The following FGF13 variants were observed in gnomAD, a reference collection of about 807,000 sequenced individuals.
The protein encoded by FGF13 is fibroblast growth factor homologous factor 2.
FGF13 carries 2 observed loss-of-function variants against 19.5 expected under a neutral mutation model. That is an observed-to-expected ratio of 0.10 (90% CI 0.04 to 0.32). The LOEUF (loss-of-function observed/expected upper bound fraction) is 0.32. Among genes scored for constraint, FGF13 ranks in the 10% least tolerant of loss-of-function variants. The pLI is 1.00. For missense variants in FGF13, 113 were observed against 192.7 expected (o/e 0.59, Z 2.45); for synonymous variants, 72 against 76.9 (o/e 0.94, Z 0.33).
intron 1 of FGF13, among the ~76,000 whole-genome samples, chrX:139,115,660 G>A (rs772738563): frequency 1.8e-5 from 2 of 112,437 alleles, no homozygotes; most frequent in African/African-American, 3.2e-5. Flanking sequence ...CTACTACTTC[G>A]AAAGATTTCT....
chrX:139,117,391 C>T (rs1233334536), intron 1 of FGF13, among the ~76,000 whole-genome samples: 1 of 111,493 alleles, frequency 9.0e-6, no homozygotes, highest in Non-Finnish European at 1.9e-5. Flanking sequence ...AGATCAAGGT[C>T]CAGGGATGTG....
chrX:138,702,354 C>T (rs1359786851), intron 3 of FGF13, among the ~76,000 whole-genome samples: 2 of 111,305 alleles, frequency 1.8e-5, no homozygotes, highest in Non-Finnish European at 3.8e-5. Flanking sequence ...AATTTGGCCC[C>T]ATGTTCCATA....
intron 1 of FGF13, among the ~76,000 whole-genome samples, chrX:139,094,001 T>C (rs1311109736): frequency 8.9e-6 from 1 of 112,083 alleles, no homozygotes; most frequent in Admixed American, 9.4e-5. Flanking sequence ...TCACTTTGCT[T>C]GGTAGAGGAC....
chrX:139,149,863 C>T (rs1330367796), intron 1 of FGF13, among the ~76,000 whole-genome samples: 3 of 112,028 alleles, frequency 2.7e-5, no homozygotes, highest in Non-Finnish European at 5.6e-5. Flanking sequence ...CAAAACCTAT[C>T]AGTGCATGTC....
chrX:138,771,688 G>A (rs1184221936), intron 3 of FGF13, among the ~76,000 whole-genome samples: 6 of 110,163 alleles, frequency 5.4e-5, no homozygotes, highest in Non-Finnish European at 9.5e-5. Flanking sequence ...CTGCAAGATA[G>A]AGTATACAAG....
intron 1 of FGF13, among the ~76,000 whole-genome samples, chrX:138,726,440 C>G (rs2090186289): frequency 8.9e-6 from 1 of 112,107 alleles, no homozygotes; most frequent in African/African-American, 3.2e-5. Flanking sequence ...TAGTGTCTAC[C>G]TCCTAGGGTA....
At chrX:138,772,016 GTGTATATATA>G (rs1474513703) in intron 3 of FGF13, among the ~76,000 whole-genome samples, 1 of 34,978 alleles carries the variant, frequency 2.9e-5, no homozygotes, top group African/African-American at 1.1e-4. Context: ...AGATACATAT[GTGTATATATA>G]TATATATATA....
At chrX:138,733,996 A>G (rs2090252961) in intron 1 of FGF13, among the ~76,000 whole-genome samples, 1 of 111,258 alleles carries the variant, frequency 9.0e-6, no homozygotes, top group African/African-American at 3.3e-5. Context: ...AAAGCTATAT[A>G]GGACAGGGTC....
At chrX:139,116,914 CT>C (rs1415201518) in intron 1 of FGF13, among the ~76,000 whole-genome samples, 1 of 111,368 alleles carries the variant, frequency 9.0e-6, no homozygotes, top group Non-Finnish European at 1.9e-5. Context: ...GCCCACTTGG[CT>C]TTCTAAGATG....
At chrX:139,107,418 G>C (rs2083568315) in intron 1 of FGF13, among the ~76,000 whole-genome samples, 1 of 112,116 alleles carries the variant, frequency 8.9e-6, no homozygotes, top group African/African-American at 3.2e-5. Flanking sequence ...GAAAGCCTTA[G>C]GTCATTGATA....
intron 1 of FGF13, among the ~76,000 whole-genome samples, chrX:139,059,429 AAAGAG>A (rs1449836039): frequency 9.1e-6 from 1 of 110,102 alleles, no homozygotes; most frequent in African/African-American, 3.3e-5. Context: ...CTTAAAAAAA[AAAGAG>A]AGAGAGAGAG....
chrX:139,099,657 A>T (rs2083495195), intron 1 of FGF13, among the ~76,000 whole-genome samples: 1 of 110,847 alleles, frequency 9.0e-6, no homozygotes, highest in Non-Finnish European at 1.9e-5. Flanking sequence ...GGGTATATCA[A>T]AGTCTGCTCC....
chrX:138,750,954 C>A (rs1180716612), intron 3 of FGF13, among the ~76,000 whole-genome samples: 1 of 110,590 alleles, frequency 9.0e-6, no homozygotes, highest in Non-Finnish European at 1.9e-5. Context: ...TAGGGAAGAC[C>A]AGACAAAAGG....
chrX:139,028,688 A>AGTGTGTGTGTGTGT (rs781223523), intron 1 of FGF13, among the ~76,000 whole-genome samples: 3 of 80,690 alleles, frequency 3.7e-5, no homozygotes, highest in South Asian at 6.7e-4. Flanking sequence ...TGTGAAAGAC[A>AGTGTGTGTGTGTGT]GTGTGTGTGT....
At chrX:138,690,577 A>G (rs749955427) in intron 3 of FGF13, among the ~76,000 whole-genome samples, 1 of 109,668 alleles carries the variant, frequency 9.1e-6, no homozygotes, top group Non-Finnish European at 1.9e-5. Context: ...ATCCTACATC[A>G]TTTCTTGATA....
At chrX:139,168,344 T>C (rs1401847371) in intron 1 of FGF13, among the ~76,000 whole-genome samples, 1 of 111,820 alleles carries the variant, frequency 8.9e-6, no homozygotes, top group Non-Finnish European at 1.9e-5. Context: ...TTGAAATACA[T>C]TTAGTATTTT....
At chrX:138,843,221 A>G (rs777859065) in intron 3 of FGF13, among the ~76,000 whole-genome samples, 25 of 112,242 alleles carry the variant, frequency 2.2e-4, no homozygotes, top group African/African-American at 7.1e-4. Flanking sequence ...CGCATGTTAA[A>G]TGTAACCTTC....
At chrX:138,637,574 T>C (rs2089198667) in intron 3 of FGF13, among the ~76,000 whole-genome samples, 2 of 112,420 alleles carry the variant, frequency 1.8e-5, no homozygotes, top group Admixed American at 9.4e-5. Context: ...ATTTAATGTC[T>C]TGTGTGATAG....
At chrX:139,167,179 C>T (rs1052514624) in intron 1 of FGF13, among the ~76,000 whole-genome samples, 3 of 111,916 alleles carry the variant, frequency 2.7e-5, no homozygotes, top group African/African-American at 6.5e-5. Context: ...ATACATTGTG[C>T]ATAAGTCAAC....
Sources: gnomAD v4.1 joint callset for allele counts (sites outside exome capture counted in the v4.1 genomes callset) on GRCh38, gnomAD v4.1.1 for gene constraint, MANE v1.5 for transcripts, NCBI Gene and HGNC (gene_info 2026-07-23, HGNC 2026-07-21) for gene names.